APCDD1L: variants seen among roughly 807,000 people sequenced by gnomAD.
The protein encoded by APCDD1L is protein APCDD1-like.
APCDD1L carries 21 observed loss-of-function variants against 24.2 expected under a neutral mutation model. The observed-to-expected ratio is 0.87, with a 90% confidence interval of 0.61 to 1.25. The LOEUF is 1.25. APCDD1L is among the 50% of genes most tolerant of loss of function. The probability of loss-of-function intolerance (pLI) is 0.00; values close to 1 mark genes in which losing one functional copy is unlikely to be tolerated. For synonymous variants in APCDD1L, 321 were observed against 323.6 expected (o/e 0.99, Z 0.09); for missense variants, 704 against 711.7 (o/e 0.99, Z 0.12).
At position 58,460,981 on chromosome 20, in the gene APCDD1L, C is replaced by T. The variant is rs1989585182; in HGVS notation, c.1315G>A (p.Asp439Asn). The T allele has an allele frequency of 1.9e-6, 3 of 1,613,976 alleles. No individual in the cohort carries two copies. The highest frequency in any genetic ancestry group is 1.3e-5 in the African/African-American group (1 of 74,892). The change falls in exon 4 of 4, where the codon GAT becomes AAT. Residue 439 changes from aspartate to asparagine, a missense_variant. Physicochemically the swap from Asp to Asn is conservative, Grantham distance 23. Transcript: ENST00000371149. The surrounding 1 kb of genome is among the most constrained non-coding windows in gnomAD (Gnocchi z 4.2). ...GQRPTDGSSP[D>N]TPEKRPTSYQ... is the part of the protein sequence containing the mutation. ...GAGGTGGGACGTTTCTCTGGGGTAT[C>T]GGGACTTGAGCCATCGGTGGGCCTT...
intron 3 of APCDD1L, among the ~76,000 whole-genome samples, chr20:58,463,415 A>G (rs1300878178): frequency 2.6e-5 from 4 of 152,196 alleles, no homozygotes; most frequent in Non-Finnish European, 5.9e-5. Context: ...ACCGTAAAAC[A>G]CGTTAACAGG....
At chr20:58,498,954 C>A (rs1447526022) in intron 1 of APCDD1L, among the ~76,000 whole-genome samples, 2 of 152,242 alleles carry the variant, frequency 1.3e-5, no homozygotes, top group Non-Finnish European at 2.9e-5. Flanking sequence ...TGGTTCCCCC[C>A]TTGGCTGCAG....
chr20:58,475,139 G>C (rs78135156), intron 1 of APCDD1L, among the ~76,000 whole-genome samples: 2,806 of 152,340 alleles, frequency 0.018, 90 homozygotes, highest in African/African-American at 0.065. Context: ...GGATCAAAGA[G>C]AGAAGAGGGT....
At chr20:58,495,431 C>A (rs550703932) in intron 1 of APCDD1L, among the ~76,000 whole-genome samples, 44 of 152,240 alleles carry the variant, frequency 2.9e-4, no homozygotes, top group Non-Finnish European at 6.3e-4. Flanking sequence ...GGGCTGGGGG[C>A]CACAGTGGCA....
intron 1 of APCDD1L, among the ~76,000 whole-genome samples, chr20:58,503,019 C>T (rs867511755): frequency 5.3e-5 from 8 of 152,148 alleles, no homozygotes; most frequent in Admixed American, 2.0e-4. Flanking sequence ...TCCGACTTTT[C>T]CGGAAGTCAG....
In APCDD1L at chr20:58,514,671, C is replaced by T; in HGVS notation, c.37G>A (p.Val13Met). ...GGGTGGCACCTACCTCCCAAAAGCA[C>T]CAGGACGCAAGCGTAGGGGAGCATG... ...AAMLPYACVL[V>M]LLGAHTAPAA... Residue 13 changes from valine (V) to methionine (M), a missense_variant, in exon 1 of 4, where the codon GTG (valine) becomes ATG (methionine). Coordinates refer to ENST00000371149, the MANE Select transcript of APCDD1L (RefSeq NM_153360.3). 7.6e-7 allele frequency: 1 copy of T among 1,314,678 alleles called. No homozygotes were observed. The highest frequency in any genetic ancestry group is 9.8e-7 in the Non-Finnish European group (1 of 1,024,100). The allele number at this position is 1,314,678 out of a possible 1,614,324, so 81.4% of individuals were successfully genotyped here.
chr20:58,494,468 G>A lies in APCDD1L; in HGVS notation c.49+20191C>T, dbSNP rs1438870997. Among the ~76,000 whole-genome samples, 1 of 151,878 alleles carries A rather than the reference G, an allele frequency of 6.6e-6. No homozygotes were observed. The highest frequency in any genetic ancestry group is 1.5e-5 in the Non-Finnish European group (1 of 67,992). On this transcript the variant is annotated intron_variant, in intron 1 of 3. Transcript: ENST00000371149. This position sits in a 1 kb window ranked among gnomAD's most constrained non-coding sequence, Gnocchi z 4.8. ...TGGCCTCAGCCTCCTGAGTAGCTGG[G>A]ATTACAGGTGTGCACCACTGCCACA...
At chr20:58,487,152 G>T (rs549403691) in intron 1 of APCDD1L, among the ~76,000 whole-genome samples, 1 of 152,032 alleles carries the variant, frequency 6.6e-6, no homozygotes, top group African/African-American at 2.4e-5. Flanking sequence ...GAAATAAAAT[G>T]ATACCCTCTA....
intron 2 of APCDD1L, among the ~76,000 whole-genome samples, 158 bp downstream of exon 2, chr20:58,470,451 C>A (rs1352040707): frequency 6.6e-6 from 1 of 152,226 alleles, no homozygotes; most frequent in Non-Finnish European, 1.5e-5. Flanking sequence ...TCCCATTGCA[C>A]TCTGGGAGGG....
chr20:58,479,528 G>C (rs1031197295), intron 1 of APCDD1L, among the ~76,000 whole-genome samples: 3 of 151,614 alleles, frequency 2.0e-5, no homozygotes, highest in Non-Finnish European at 2.9e-5. Flanking sequence ...CTTTGACCCA[G>C]CTTTAGCCCA....
intron 1 of APCDD1L, among the ~76,000 whole-genome samples, chr20:58,496,482 A>C (rs2123178508): frequency 6.6e-6 from 1 of 152,370 alleles, no homozygotes; most frequent in Non-Finnish European, 1.5e-5. Context: ...GCTTGGAGGA[A>C]GCCCAGCGAG....
chr20:58,490,654 AAG>A (rs1990208179), intron 1 of APCDD1L, among the ~76,000 whole-genome samples: 1 of 152,240 alleles, frequency 6.6e-6, no homozygotes, highest in Non-Finnish European at 1.5e-5. Context: ...ACAATGTGGG[AAG>A]AGACTGTCTC....
Position 58,460,932 on chromosome 20 carries a change from C to T in APCDD1L, c.1364G>A (p.Cys455Tyr). ...GGAGAAGTCGGGGGCCTCCCCATGA[C>T]AGAGCACCAGGGGTGCTTGGTAGGA... ...PTSYQAPLVL[C>Y]HGEAPDFSRP... Residue 455 changes from cysteine (C) to tyrosine (Y), a missense_variant, in exon 4 of 4, where the codon TGT becomes TAT. Cys to Tyr is a radical substitution (Grantham distance 194, BLOSUM62 -2). Coordinates refer to ENST00000371149, the MANE Select transcript of APCDD1L (RefSeq NM_153360.3). This position sits in a 1 kb window ranked among gnomAD's most constrained non-coding sequence, Gnocchi z 4.2. 1 of 1,613,850 alleles carries T rather than the reference C, an allele frequency of 6.2e-7. No homozygotes were observed. Among genetic ancestry groups the T allele is most frequent in the South Asian group, 1.1e-5 (1 of 91,052 alleles).
chr20:58,483,198 T>A (rs914184559), intron 1 of APCDD1L, among the ~76,000 whole-genome samples: 6 of 151,900 alleles, frequency 3.9e-5, no homozygotes, highest in Non-Finnish European at 8.8e-5. Context: ...TGGAGGAGGA[T>A]GTAATTAGTC....
At chr20:58,471,783 G>C (rs1418999762) in intron 1 of APCDD1L, among the ~76,000 whole-genome samples, 1 of 152,234 alleles carries the variant, frequency 6.6e-6, no homozygotes, top group Non-Finnish European at 1.5e-5. Flanking sequence ...CTCCAGCCAC[G>C]GGCTGTGCTC....
intron 1 of APCDD1L, among the ~76,000 whole-genome samples, chr20:58,496,287 TG>T (rs1167386890): frequency 2.0e-5 from 3 of 152,188 alleles, no homozygotes; most frequent in Admixed American, 1.3e-4. Flanking sequence ...ATGGTCCTGT[TG>T]GTGCCAGGGG....
intron 1 of APCDD1L, among the ~76,000 whole-genome samples, chr20:58,472,398 A>G (rs1299958129): frequency 6.6e-6 from 1 of 152,194 alleles, no homozygotes; most frequent in Non-Finnish European, 1.5e-5. Context: ...CACGGGGCAC[A>G]TGCCACCCGG....
chr20:58,479,437 T>C (rs1257395393), intron 1 of APCDD1L, among the ~76,000 whole-genome samples: 1 of 152,164 alleles, frequency 6.6e-6, no homozygotes, highest in East Asian at 1.9e-4. Context: ...TTTTGCTGTA[T>C]CAGAGGTTTT....
chr20:58,469,958 A>G (rs1471793951), intron 2 of APCDD1L, among the ~76,000 whole-genome samples: 1 of 152,218 alleles, frequency 6.6e-6, no homozygotes, highest in Non-Finnish European at 1.5e-5. Context: ...TTTGTGCACC[A>G]CAGATGAGGA....
Sources: gnomAD v4.1 joint callset for allele counts (sites outside exome capture counted in the v4.1 genomes callset) on GRCh38, gnomAD v4.1.1 for gene constraint, Gnocchi (gnomAD v3.1) non-coding constraint, MANE v1.5 for transcripts, NCBI Gene and HGNC (gene_info 2026-07-23, HGNC 2026-07-21) for gene names.